The following VWF variants were observed in gnomAD, a reference collection of about 807,000 sequenced individuals.
VWF encodes the protein Factor VIII related antigen.
VWF carries 176 observed loss-of-function variants against 308.6 expected under a neutral mutation model. The observed-to-expected ratio is 0.57, with a 90% CI of 0.50 to 0.65. The LOEUF (loss-of-function observed/expected upper bound fraction) is 0.65, where lower values mean the gene tolerates loss of function less well. Ranked by LOEUF, VWF falls within the 30% of genes least tolerant of loss-of-function variation. The pLI is 0.00. For synonymous variants in VWF, 1,385 were observed against 1,443.4 expected (o/e 0.96, Z 0.92); for missense variants, 3,146 against 3,648.2 (o/e 0.86, Z 3.55).
intron 34 of VWF, among the ~76,000 whole-genome samples, chr12:5,996,643 C>T (rs966709034): frequency 1.3e-5 from 2 of 151,404 alleles, no homozygotes; most frequent in African/African-American, 4.9e-5. Context: ...AGAAAATTCA[C>T]CTAAAGACAC....
chr12:5,979,048 A>G (rs1439813591), intron 42 of VWF, among the ~76,000 whole-genome samples: 1 of 152,250 alleles, frequency 6.6e-6, no homozygotes, highest in Non-Finnish European at 1.5e-5. Flanking sequence ...TAAAGTTTAC[A>G]ATGAATCAAC....
At chr12:6,029,838 T>C (rs752087374) in intron 21 of VWF, among the ~76,000 whole-genome samples, 3 of 152,250 alleles carry the variant, frequency 2.0e-5, no homozygotes, top group African/African-American at 7.2e-5. Context: ...GTTTTCAACA[T>C]GGCAATGATT....
At chr12:6,117,805 A>G (rs963503411) in intron 3 of VWF, among the ~76,000 whole-genome samples, 1 of 152,166 alleles carries the variant, frequency 6.6e-6, no homozygotes, top group Non-Finnish European at 1.5e-5. Flanking sequence ...CCTGGACAAC[A>G]CGAGCGAGAT....
intron 28 of VWF, among the ~76,000 whole-genome samples, chr12:6,017,630 G>T (rs1232815044): frequency 6.6e-6 from 1 of 151,596 alleles, no homozygotes; most frequent in Non-Finnish European, 1.5e-5. Flanking sequence ...ATTTTTTTTT[G>T]AGCACTTGTC....
At chr12:6,050,908 T>G (rs10774391) in intron 16 of VWF, among the ~76,000 whole-genome samples, 6 of 150,912 alleles carry the variant, frequency 4.0e-5, no homozygotes, top group African/African-American at 1.5e-4. Flanking sequence ...CGAGCCGAGA[T>G]TGTGCCACTG....
rs138618444 is a variant in VWF, at chr12:5,985,072, C to T, written c.6949G>A (p.Asp2317Asn). The change falls in exon 40 of 52, where the codon GAC (aspartate) becomes AAC (asparagine). Residue 2317 changes from aspartate (D) to asparagine (N), a missense_variant. This residue lies in a region of VWF where 989 missense variants were observed against 1,117.4 expected (regional missense o/e 0.89). Transcript: ENST00000261405. ...CACTCATACTCGGGGCAGCACTGGT[C>T]TGCATTCTGGCGGAGGCGGGCTACT... Reference protein sequence around the residue: ...CEVARLRQNADQCCPEYECVC... With the variant: ...CEVARLRQNANQCCPEYECVC... The T allele has an allele frequency of 6.2e-7, 1 of 1,614,066 alleles. No homozygotes were observed. The highest frequency in any genetic ancestry group is 1.3e-5 in the African/African-American group (1 of 74,928).
At chr12:5,950,756 A>G (rs1157899253) in intron 50 of VWF, among the ~76,000 whole-genome samples, 2 of 152,152 alleles carry the variant, frequency 1.3e-5, no homozygotes, top group Non-Finnish European at 2.9e-5. Context: ...AAGATCTCGA[A>G]GCCTCTTGAA....
chr12:6,095,664 G>T, intron 5 of VWF, 80 bp from the exon 6 acceptor site: 3 of 1,601,962 alleles, frequency 1.9e-6, no homozygotes, highest in Non-Finnish European at 2.6e-6. Context: ...TAGGTCTGCT[G>T]GTGGTTTTGT....
chr12:6,088,765 T>G (rs755606842), intron 6 of VWF, among the ~76,000 whole-genome samples: 1 of 152,242 alleles, frequency 6.6e-6, no homozygotes, highest in African/African-American at 2.4e-5. Flanking sequence ...TGAATGTTCA[T>G]AGCTTGGGGC....
intron 14 of VWF, 138 bp downstream of exon 14, chr12:6,057,711 T>G (rs1439040176): frequency 6.2e-5 from 65 of 1,054,668 alleles, no homozygotes; most frequent in Non-Finnish European, 8.2e-5. Context: ...GTGCTGACGG[T>G]AAAAACAAAG....
At chr12:6,115,487 C>T (rs1945353569) in intron 3 of VWF, among the ~76,000 whole-genome samples, 1 of 152,332 alleles carries the variant, frequency 6.6e-6, no homozygotes, top group Non-Finnish European at 1.5e-5. Context: ...GACACACACA[C>T]ACACGTTTCA....
Position 6,019,975 on chromosome 12 carries a change from T to G in VWF, c.3675-232A>C, listed in dbSNP as rs1222822170. On this transcript the variant is annotated intron_variant, in intron 27 of 51. Transcript: ENST00000261405. The surrounding 1 kb of genome is among the most constrained non-coding windows in gnomAD (Gnocchi z 5.8). Reference sequence around the variant, plus strand: ...ACACATAGCCGACTTCCTTTGATTCTAGAAACCAAAGCTTTAGCCCATCCT... The same window carrying G: ...ACACATAGCCGACTTCCTTTGATTCGAGAAACCAAAGCTTTAGCCCATCCT... 6.6e-6 allele frequency among the ~76,000 whole-genome samples: 1 copy of G among 152,202 alleles called. No homozygotes were observed. Among genetic ancestry groups the G allele is most frequent in the African/African-American group, 2.4e-5 (1 of 41,452 alleles).
chr12:5,967,647 C>T, intron 46 of VWF, 45 bp from the exon 47 acceptor site: 1 of 1,537,058 alleles, frequency 6.5e-7, no homozygotes, highest in African/African-American at 1.4e-5. Context: ...CATCCCCCAA[C>T]CCCCCACTCA....
intron 46 of VWF, 124 bp downstream of exon 46, chr12:5,968,003 A>T (rs916436481): frequency 1.4e-4 from 190 of 1,363,090 alleles, no homozygotes; most frequent in Admixed American, 1.1e-3. Flanking sequence ...GGCAGTGGAA[A>T]GCTGGGGTTG....
intron 34 of VWF, among the ~76,000 whole-genome samples, chr12:5,998,534 T>C: frequency 9.3e-6 from 1 of 107,626 alleles, no homozygotes; most frequent in South Asian, 3.3e-4. Context: ...TATATATATA[T>C]GGTCAAGTCA....
intron 51 of VWF, 125 bp downstream of exon 51, chr12:5,949,661 C>T (rs1005124905): frequency 2.9e-6 from 3 of 1,034,266 alleles, no homozygotes; most frequent in Non-Finnish European, 4.4e-6. Flanking sequence ...AAAAATGCTT[C>T]CAGTTTATTT....
intron 38 of VWF, 78 bp downstream of exon 38, chr12:5,991,741 C>G: frequency 1.3e-6 from 2 of 1,505,346 alleles, no homozygotes; most frequent in Non-Finnish European, 1.8e-6. Context: ...TGGAAGAGGC[C>G]AATCACTGGT....
At chr12:6,001,330 A>C (rs1042781703) in intron 34 of VWF, among the ~76,000 whole-genome samples, 1 of 152,308 alleles carries the variant, frequency 6.6e-6, no homozygotes, top group East Asian at 1.9e-4. Flanking sequence ...TAACTTGTCT[A>C]CTAAAACAAA....
At chr12:6,088,477 TAA>T (rs533608912) in intron 6 of VWF, among the ~76,000 whole-genome samples, 25 of 110,926 alleles carry the variant, frequency 2.3e-4, no homozygotes, top group Admixed American at 5.7e-4. Flanking sequence ...AGACTCTGTC[TAA>T]AAAAAAAAAA....
Sources: gnomAD v4.1 joint callset for allele counts (sites outside exome capture counted in the v4.1 genomes callset) on GRCh38, gnomAD v4.1.1 for gene constraint, gnomAD v4.1.1 regional missense constraint, Gnocchi (gnomAD v3.1) non-coding constraint, MANE v1.5 for transcripts, NCBI Gene and HGNC (gene_info 2026-07-23, HGNC 2026-07-21) for gene names.